Variants in RGS20 observed in about 807,000 individuals in gnomAD.
RGS20 encodes gz-selective GTPase-activating protein.
In RGS20, 30 loss-of-function variants were observed where a neutral mutation model predicts 33.6. The ratio of observed to expected loss-of-function variants is 0.89; its 90% CI spans 0.67 to 1.21. The LOEUF (loss-of-function observed/expected upper bound fraction) is 1.21, where lower values mean the gene tolerates loss of function less well. RGS20 is among the 50% of genes most tolerant of loss of function. The pLI is 0.00. For synonymous variants in RGS20, 208 were observed against 197.9 expected, an observed-to-expected ratio of 1.05 and a Z score of -0.43; for missense variants, 472 against 502.4, an observed-to-expected ratio of 0.94 and a Z score of 0.58.
intron 1 of RGS20, among the ~76,000 whole-genome samples, chr8:53,873,372 C>T (rs191035947): frequency 6.6e-6 from 1 of 152,278 alleles, no homozygotes; most frequent in East Asian, 1.9e-4. Flanking sequence ...ATTATGTATC[C>T]ACCAAACAAT....
chr8:53,901,290 GCTC>G (rs1358415653), intron 2 of RGS20, among the ~76,000 whole-genome samples: 1 of 151,814 alleles, frequency 6.6e-6, no homozygotes, highest in African/African-American at 2.4e-5. Flanking sequence ...CTGGTCTCGA[GCTC>G]CTGACCTCAA....
chr8:53,870,262 TACACACACAC>T (rs112678663), intron 1 of RGS20, among the ~76,000 whole-genome samples: 1 of 150,068 alleles, frequency 6.7e-6, no homozygotes, highest in Admixed American at 6.7e-5. Context: ...GATATGTGTG[TACACACACAC>T]ACACACACAC....
chr8:53,958,360 T>TACA lies in RGS20; in HGVS notation c.1070_1072dup (p.Tyr357_Thr358insAsn). The TACA allele has an allele frequency of 6.2e-7, 1 of 1,613,862 alleles. No homozygotes were observed. The highest frequency in any genetic ancestry group is 1.1e-5 in the South Asian group (1 of 91,052). ...ATTCGATGATGCTCAACTTCAGATTTACACCCTGATGCACAGAGACTCATA... is the reference window on the plus strand; with the variant it reads ...ATTCGATGATGCTCAACTTCAGATTTACAACACCCTGATGCACAGAGACTCATA... On this transcript the variant is annotated inframe_insertion, in exon 6 of 6. Transcript: ENST00000297313.
chr8:53,882,000 A>G (rs900477921), intron 2 of RGS20, among the ~76,000 whole-genome samples: 4 of 151,504 alleles, frequency 2.6e-5, no homozygotes, highest in Admixed American at 2.0e-4. Context: ...GCTGTCCTCC[A>G]GCGCTGGGGG....
intron 2 of RGS20, among the ~76,000 whole-genome samples, chr8:53,892,248 C>T (rs1812730637): frequency 6.6e-6 from 1 of 152,178 alleles, no homozygotes; most frequent in South Asian, 2.1e-4. Flanking sequence ...GCATAGTATT[C>T]CATGGTGTAT....
chr8:53,939,763 G>A (rs1269088154), intron 3 of RGS20, 39 bp downstream of exon 2: 1 of 1,532,916 alleles, frequency 6.5e-7, no homozygotes, highest in South Asian at 1.2e-5. Flanking sequence ...GCTCCTGACT[G>A]GGAAGTGTAA....
intron 2 of RGS20, among the ~76,000 whole-genome samples, chr8:53,935,904 T>C (rs141115389): frequency 0.016 from 2,405 of 152,240 alleles, 50 homozygotes; most frequent in African/African-American, 0.054. Context: ...TCCACCACCA[T>C]CAAGTCGGCT....
rs73589276 is a variant in RGS20 at position 53,958,503 on chromosome 8, C to A, written c.*45C>A. The A allele has an allele frequency of 9.1e-7, 1 of 1,099,816 alleles. No individual in the cohort carries two copies. Among genetic ancestry groups the A allele is most frequent in the Non-Finnish European group, 1.2e-6 (1 of 831,244 alleles). The allele number at this position is 1,099,816 out of a possible 1,614,324, so 68.1% of individuals were successfully genotyped here. On this transcript the variant is annotated 3_prime_UTR_variant, in exon 6 of 6. Coordinates refer to ENST00000297313, the MANE Select transcript of RGS20 (RefSeq NM_170587.4). The stretch of plus-strand genomic sequence containing the variant: ...TTATTAATAAAATAATAAAAGAATT[C>A]ATGGGCTACAACTAGCACAGGGAAT...
At chr8:53,867,297 C>T (rs1198784446) in intron 1 of RGS20, among the ~76,000 whole-genome samples, 1 of 152,086 alleles carries the variant, frequency 6.6e-6, no homozygotes, top group Non-Finnish European at 1.5e-5. Flanking sequence ...AACTCCATCC[C>T]CTACGTTTCT....
At position 53,958,437 on chromosome 8, in the gene RGS20, G is replaced by A. The variant is rs545047492; in HGVS notation, c.1146G>A (p.Ser382=). Residue 382 remains serine, a synonymous_variant, in exon 6 of 6, where the codon TCG becomes TCA. Coordinates refer to ENST00000297313, the MANE Select transcript of RGS20 (RefSeq NM_170587.4). ...ATAAGGACTTGCTTCAGTCCTTATCGGAGAAATCTATTGAAGCATAGGATT... is the reference window on the plus strand; with the variant it reads ...ATAAGGACTTGCTTCAGTCCTTATCAGAGAAATCTATTGAAGCATAGGATT... 2.4e-5 allele frequency: 36 copies of A among 1,527,896 alleles called. No homozygotes were observed. The Middle Eastern group carries it at 5.3e-4, about 22-fold the overall frequency. 94.6% of individuals were successfully genotyped at this position (1,527,896 alleles called of 1,614,324 possible).
At chr8:53,919,449 C>T (rs898210326) in intron 2 of RGS20, among the ~76,000 whole-genome samples, 2 of 151,916 alleles carry the variant, frequency 1.3e-5, no homozygotes, top group African/African-American at 2.4e-5. Flanking sequence ...TCAAGAGATT[C>T]TCCTGCCTCA....
chr8:53,943,236 T>C (rs914531491), intron 3 of RGS20, among the ~76,000 whole-genome samples: 1 of 151,792 alleles, frequency 6.6e-6, no homozygotes, highest in Non-Finnish European at 1.5e-5. Context: ...AATTTCCTTG[T>C]TTTTTTTCAC....
intron 1 of RGS20, among the ~76,000 whole-genome samples, chr8:53,855,980 T>G (rs556214046): frequency 1.7e-4 from 26 of 152,278 alleles, no homozygotes; most frequent in African/African-American, 6.3e-4. Context: ...GATTTGAATC[T>G]GGATTTTCTG....
intron 2 of RGS20, among the ~76,000 whole-genome samples, chr8:53,935,815 A>G (rs1814113496): frequency 6.6e-6 from 1 of 152,224 alleles, no homozygotes. Flanking sequence ...TTTCAGGCCA[A>G]TATCCCTGAT....
intron 3 of RGS20, 70 bp from the exon 3 acceptor site, chr8:53,946,595 A>T: frequency 8.1e-7 from 1 of 1,230,472 alleles, no homozygotes; most frequent in Non-Finnish European, 1.2e-6. Flanking sequence ...AGTTCTCTTT[A>T]AAGTATTTGT....
At chr8:53,924,737 A>G (rs1382508931) in intron 2 of RGS20, among the ~76,000 whole-genome samples, 1 of 152,172 alleles carries the variant, frequency 6.6e-6, no homozygotes, top group East Asian at 1.9e-4. Context: ...TTCACTGATC[A>G]TCTGGGCAAC....
At chr8:53,922,599 CTTTGT>C (rs1180336811) in intron 2 of RGS20, among the ~76,000 whole-genome samples, 1 of 151,956 alleles carries the variant, frequency 6.6e-6, no homozygotes, top group Non-Finnish European at 1.5e-5. Context: ...TATTAACTTC[CTTTGT>C]TTTATGTTGA....
chr8:53,899,288 A>G (rs2129280017), intron 2 of RGS20, among the ~76,000 whole-genome samples: 1 of 152,236 alleles, frequency 6.6e-6, no homozygotes, highest in East Asian at 1.9e-4. Context: ...TCATGACTTT[A>G]TGGAACAGAA....
intron 2 of RGS20, among the ~76,000 whole-genome samples, chr8:53,905,456 G>T (rs1395284426): frequency 1.3e-5 from 2 of 152,194 alleles, no homozygotes; most frequent in African/African-American, 4.8e-5. Context: ...AATATTTCAT[G>T]AGCCACAGTG....
Sources: allele counts gnomAD v4.1 joint callset (sites outside exome capture counted in the v4.1 genomes callset), GRCh38; gene constraint gnomAD v4.1.1; transcripts MANE v1.5; gene names NCBI Gene and HGNC (gene_info 2026-07-23, HGNC 2026-07-21).